Variants in SKP2 observed in about 807,000 individuals in gnomAD.
SKP2 encodes S-phase kinase associated protein 2.
SKP2 carries 16 observed loss-of-function variants against 51.8 expected under a neutral mutation model. The ratio of observed to expected loss-of-function variants is 0.31; its 90% CI spans 0.21 to 0.47. The LOEUF is 0.47. Among genes scored for constraint, SKP2 ranks in the 20% least tolerant of loss-of-function variants. SKP2 has a pLI of 1.00. For missense variants in SKP2, 377 were observed against 505.3 expected, an observed-to-expected ratio of 0.75 and a Z score of 2.43; for synonymous variants, 176 against 198.6, an observed-to-expected ratio of 0.89 and a Z score of 0.96.
chr5:36,167,537 T>C (rs1745324094), intron 4 of SKP2, among the ~76,000 whole-genome samples: 1 of 152,188 alleles, frequency 6.6e-6, no homozygotes, highest in Non-Finnish European at 1.5e-5. Flanking sequence ...TTCCCAAATT[T>C]CTAATTACCT....
At chr5:36,153,493 C>T (rs1047589362) in intron 2 of SKP2, among the ~76,000 whole-genome samples, 2 of 152,108 alleles carry the variant, frequency 1.3e-5, no homozygotes, top group Non-Finnish European at 2.9e-5. Context: ...GAGACATCTC[C>T]CCAGGCCCAC....
In SKP2 at chr5:36,166,625, C is replaced by G; in HGVS notation, c.499C>G (p.Arg167Gly). ...SQGVIAFRCP[R>G]SFMDQPLAEH... is the part of the protein sequence containing the mutation. The stretch of plus-strand genomic sequence containing the variant: ...AGGGGTGATTGCCTTCCGCTGCCCA[C>G]GATCATTTATGGACCAACCATTGGC... Residue 167 changes from arginine to glycine, a missense_variant, in exon 4 of 10, where the codon CGA becomes GGA. Physicochemically the swap from Arg to Gly is moderately radical, Grantham distance 125. This residue lies in a region of SKP2 where 262 missense variants were observed against 389.8 expected (regional missense o/e 0.67). Coordinates refer to ENST00000274255, the MANE Select transcript of SKP2 (RefSeq NM_005983.4). 6.2e-7 allele frequency: 1 copy of G among 1,613,546 alleles called. No individual in the cohort carries two copies. Among genetic ancestry groups the G allele is most frequent in the Non-Finnish European group, 8.5e-7 (1 of 1,179,820 alleles).
chr5:36,178,624 C>T (rs909907090), intron 9 of SKP2, among the ~76,000 whole-genome samples: 4 of 152,148 alleles, frequency 2.6e-5, no homozygotes, highest in Admixed American at 1.3e-4. Context: ...GAGCTTCTAG[C>T]GTCTACCCAA....
At chr5:36,187,011 A>G (rs1380053614), downstream of SKP2, among the ~76,000 whole-genome samples, 1 of 151,810 alleles carries the variant, frequency 6.6e-6, no homozygotes, top group Non-Finnish European at 1.5e-5. Context: ...TTTCTTCTAG[A>G]TTTTCTAGTT....
At chr5:36,168,900 C>T (rs375901051) in intron 5 of SKP2, among the ~76,000 whole-genome samples, 7 of 152,188 alleles carry the variant, frequency 4.6e-5, no homozygotes, top group Non-Finnish European at 7.3e-5. Context: ...TGGCAACACA[C>T]GAGGAGCCGC....
At chr5:36,190,314 A>G (rs1371234698) in intron 6 of SKP2, among the ~76,000 whole-genome samples, 3 of 151,984 alleles carry the variant, frequency 2.0e-5, no homozygotes, top group Admixed American at 6.5e-5. Flanking sequence ...CGTCGCTCAC[A>G]CTGGGAGCTG....
chr5:36,170,350 C>A lies in SKP2; in HGVS notation c.678C>A (p.Leu226=). The A allele has an allele frequency of 6.2e-7, 1 of 1,605,576 alleles. No individual in the cohort carries two copies. The highest frequency in any genetic ancestry group is 8.5e-7 in the Non-Finnish European group (1 of 1,173,564). Reference sequence around the variant, plus strand: ...CGTTTTTCTCTTTTTCCAGTACTCTCGCAAAAAACTCAAATTTAGTGCGAC... The same window carrying A: ...CGTTTTTCTCTTTTTCCAGTACTCTAGCAAAAAACTCAAATTTAGTGCGAC... ...LRLSDPIVNT[L]AKNSNLVRLN... Residue 226 remains leucine, a synonymous_variant, in exon 6 of 10, where the codon CTC becomes CTA. Coordinates refer to ENST00000274255, the MANE Select transcript of SKP2 (RefSeq NM_005983.4).
chr5:36,185,786 G>GA (rs991048187), downstream of SKP2, among the ~76,000 whole-genome samples: 2 of 152,066 alleles, frequency 1.3e-5, no homozygotes, highest in African/African-American at 4.8e-5. Context: ...GCAATTCTGT[G>GA]AAAAAAGTCA....
Position 36,163,639 on chromosome 5 carries a change from C to T in SKP2, c.281-6C>T. The T allele has an allele frequency of 6.3e-7, 1 of 1,588,374 alleles. No homozygotes were observed. The highest frequency in any genetic ancestry group is 8.6e-7 in the Non-Finnish European group (1 of 1,156,480). On this transcript the variant is annotated splice_polypyrimidine_tract_variant and splice_region_variant and intron_variant, in intron 2 of 9. Coordinates refer to ENST00000274255, the MANE Select transcript of SKP2 (RefSeq NM_005983.4). ...GTGATGGCAAACACTTGTTTTCCCTCCAAAGGTGTTTCATGGGACTCCCTT... is the reference window on the plus strand; with the variant it reads ...GTGATGGCAAACACTTGTTTTCCCTTCAAAGGTGTTTCATGGGACTCCCTT...
intron 9 of SKP2, among the ~76,000 whole-genome samples, chr5:36,179,914 ATTT>A (rs3840163): frequency 3.5e-5 from 5 of 142,960 alleles, no homozygotes; most frequent in East Asian, 2.0e-4. Context: ...TACCGGGGGC[ATTT>A]TTTTTTTTTT....
At chr5:36,171,881 A>ACCAT in intron 7 of SKP2, 148 bp downstream of exon 7, 1 of 750,694 alleles carries the variant, frequency 1.3e-6, no homozygotes, top group Non-Finnish European at 2.1e-6. Context: ...GTAGCTGCTA[A>ACCAT]TCAGAATGGT....
At chr5:36,185,841 G>C (rs1745949779), downstream of SKP2, among the ~76,000 whole-genome samples, 1 of 152,146 alleles carries the variant, frequency 6.6e-6, no homozygotes, top group Non-Finnish European at 1.5e-5. Context: ...AATTACCTTA[G>C]GCAGTATGGC....
intron 3 of SKP2, 137 bp from the exon 4 acceptor site, chr5:36,166,381 CA>C (rs1461022983): frequency 3.0e-6 from 2 of 675,512 alleles, no homozygotes; most frequent in African/African-American, 3.6e-5. Flanking sequence ...ATTGTATAGC[CA>C]ACTTAAAAAC....
intron 6 of SKP2, 69 bp from the exon 7 acceptor site, chr5:36,171,534 T>G: frequency 7.1e-7 from 1 of 1,402,086 alleles, no homozygotes; most frequent in Non-Finnish European, 1.0e-6. Context: ...TTTCTTTGTT[T>G]GCAGTTTGAG....
chr5:36,152,472 G>C (rs910799664), intron 1 of SKP2, among the ~76,000 whole-genome samples: 1 of 152,176 alleles, frequency 6.6e-6, no homozygotes, highest in Non-Finnish European at 1.5e-5. Flanking sequence ...CCCTAATTGG[G>C]CTTTTCTGCC....
intron 7 of SKP2, among the ~76,000 whole-genome samples, chr5:36,175,432 G>A (rs1418263568): frequency 6.6e-6 from 1 of 152,010 alleles, no homozygotes; most frequent in Non-Finnish European, 1.5e-5. Context: ...ATATACTTGT[G>A]AGACGAAAAA....
downstream of SKP2, among the ~76,000 whole-genome samples, chr5:36,187,934 A>G (rs999604604): frequency 1.3e-5 from 2 of 152,126 alleles, no homozygotes; most frequent in South Asian, 2.1e-4. Flanking sequence ...TTGGGTGCAT[A>G]TATATTTAGG....
intron 8 of SKP2, 39 bp from the exon 9 acceptor site, chr5:36,177,146 G>C (rs1040958683): frequency 6.4e-6 from 9 of 1,397,754 alleles, no homozygotes; most frequent in Non-Finnish European, 9.1e-6. Context: ...TAGGATCAAT[G>C]TGTGATTTTC....
At chr5:36,154,096 A>G (rs1201396040) in intron 2 of SKP2, among the ~76,000 whole-genome samples, 2 of 152,202 alleles carry the variant, frequency 1.3e-5, no homozygotes, top group Non-Finnish European at 2.9e-5. Context: ...ATTTTTATAT[A>G]GTATGTTAGA....
Sources: allele counts gnomAD v4.1 joint callset (sites outside exome capture counted in the v4.1 genomes callset), GRCh38; gene constraint gnomAD v4.1.1; regional missense constraint gnomAD v4.1.1; transcripts MANE v1.5; gene names NCBI Gene and HGNC (gene_info 2026-07-23, HGNC 2026-07-21).